AGAP1: variants seen among roughly 807,000 people sequenced by gnomAD.
AGAP1 encodes the protein arf-GAP with GTPase, ANK repeat and PH domain-containing protein 1.
In AGAP1, 29 loss-of-function variants were observed where a neutral mutation model predicts 105.3. That is an observed-to-expected ratio of 0.28 (90% CI 0.21 to 0.38). AGAP1 has a LOEUF of 0.38. AGAP1 is among the 10% of genes least tolerant of loss of function. AGAP1 has a pLI of 1.00. For synonymous variants in AGAP1, 509 were observed against 485.9 expected (o/e 1.05, Z -0.63); for missense variants, 998 against 1,165.1 (o/e 0.86, Z 2.09).
In AGAP1 at chr2:236,121,547, C is replaced by T. The variant is rs1041999283; in HGVS notation, c.2370+1100C>T. ...AGCTCCTGACCTCGTGATCCACCCG[C>T]CTCGGCCTCCCAAAGTGCTGGGAGT... On this transcript the variant is annotated intron_variant, in intron 17 of 17. Coordinates refer to ENST00000304032, the MANE Select transcript of AGAP1 (RefSeq NM_001037131.3). This position sits in a 1 kb window ranked among gnomAD's most constrained non-coding sequence, Gnocchi z 4.9. 6.6e-6 allele frequency among the ~76,000 whole-genome samples: 1 copy of T among 152,142 alleles called. No homozygotes were observed. Among genetic ancestry groups the T allele is most frequent in the Non-Finnish European group, 1.5e-5 (1 of 68,024 alleles).
intron 9 of AGAP1, among the ~76,000 whole-genome samples, chr2:235,833,771 C>G (rs940759708): frequency 6.6e-6 from 1 of 151,570 alleles, no homozygotes; most frequent in African/African-American, 2.4e-5. Context: ...TACATGTGTG[C>G]ATGTTTATGA....
intron 2 of AGAP1, among the ~76,000 whole-genome samples, chr2:235,709,952 A>AT (rs1202088154): frequency 1.3e-5 from 2 of 152,126 alleles, no homozygotes; most frequent in Non-Finnish European, 2.9e-5. Flanking sequence ...GTATGTATAT[A>AT]TGTGTATATA....
In AGAP1 at chr2:235,979,102, A is replaced by G. The variant is rs1293997167; in HGVS notation, c.1645+10479A>G. ...GATATGCTTTTTCTTTTTTTGGATG[A>G]CAGAAGTGTATTTGTGGGGTTTTTT... On this transcript the variant is annotated intron_variant, in intron 13 of 17. Coordinates refer to ENST00000304032, the MANE Select transcript of AGAP1 (RefSeq NM_001037131.3). This position sits in a 1 kb window ranked among gnomAD's most constrained non-coding sequence, Gnocchi z 4.5. Among the ~76,000 whole-genome samples, 2 of 150,452 alleles carry G rather than the reference A, an allele frequency of 1.3e-5. No homozygotes were observed. Among genetic ancestry groups the G allele is most frequent in the Non-Finnish European group, 3.0e-5 (2 of 67,772 alleles).
intron 11 of AGAP1, among the ~76,000 whole-genome samples, chr2:235,926,053 C>T (rs955858352): frequency 1.3e-5 from 2 of 152,154 alleles, no homozygotes; most frequent in Non-Finnish European, 2.9e-5. Context: ...GTGTTCAAAA[C>T]TCCTGTGTGG....
At chr2:235,968,671 T>G (rs764957251) in intron 13 of AGAP1, 48 bp downstream of exon 13, 3 of 1,563,834 alleles carry the variant, frequency 1.9e-6, no homozygotes, top group Non-Finnish European at 2.6e-6. Context: ...TGCGGAAAAT[T>G]CTCTGTTATT....
chr2:235,936,657 G>C lies in AGAP1; in HGVS notation c.1483+5734G>C, dbSNP rs994051195. Among the ~76,000 whole-genome samples the C allele has an allele frequency of 6.6e-6, 1 of 152,068 alleles. No homozygotes were observed. The highest frequency in any genetic ancestry group is 1.9e-4 in the East Asian group (1 of 5,168). Reference sequence around the variant, plus strand: ...TGGATATTATACTGACAATTTTAGTGTATGACCAGCAGGCGGCGGTAATGT... The same window carrying C: ...TGGATATTATACTGACAATTTTAGTCTATGACCAGCAGGCGGCGGTAATGT... On this transcript the variant is annotated intron_variant, in intron 12 of 17. Transcript: ENST00000304032. This position sits in a 1 kb window ranked among gnomAD's most constrained non-coding sequence, Gnocchi z 4.7.
At chr2:236,108,092 G>T (rs1258924135) in intron 16 of AGAP1, among the ~76,000 whole-genome samples, 1 of 152,236 alleles carries the variant, frequency 6.6e-6, no homozygotes, top group Non-Finnish European at 1.5e-5. Flanking sequence ...AGTAATTAAG[G>T]AATAAATATC....
At chr2:235,607,364 T>G (rs115271938) in intron 1 of AGAP1, among the ~76,000 whole-genome samples, 14 of 152,226 alleles carry the variant, frequency 9.2e-5, no homozygotes, top group African/African-American at 3.4e-4. Context: ...CTTATATTCA[T>G]GCAATCTCAC....
rs1171754206 is a variant in AGAP1 at position 235,616,661 on chromosome 2, CCTGCCCCACCTGTGGTTTCATT to C, written c.164-92511_164-92490del. On this transcript the variant is annotated intron_variant, in intron 1 of 17. Coordinates refer to ENST00000304032, the MANE Select transcript of AGAP1 (RefSeq NM_001037131.3). ...AGAAAACTTCATAGGTTTCTGGCTTCCTGCCCCACCTGTGGTTTCATTCTGCCCAGTTGTGTTCAACTTGAAA... is the reference window on the plus strand; with the variant it reads ...AGAAAACTTCATAGGTTTCTGGCTTCCTGCCCAGTTGTGTTCAACTTGAAA... Among the ~76,000 whole-genome samples the C allele has an allele frequency of 2.7e-4, 41 of 152,304 alleles. No individual in the cohort carries two copies. The East Asian group carries it at 7.9e-3, about 29-fold the overall frequency.
chr2:236,072,033 T>A (rs565681521), intron 16 of AGAP1, among the ~76,000 whole-genome samples: 36 of 152,192 alleles, frequency 2.4e-4, no homozygotes, highest in African/African-American at 3.4e-4. Context: ...AAACTTTTTT[T>A]AAAAAAACTC....
intron 1 of AGAP1, chr2:235,670,551 G>A (rs1418313092): frequency 4.1e-6 from 2 of 484,498 alleles, no homozygotes; most frequent in African/African-American, 2.1e-5. Flanking sequence ...CCCCTGCGGC[G>A]GAGCCTGAGC....
chr2:235,974,930 G>A (rs1431032861), intron 13 of AGAP1, among the ~76,000 whole-genome samples: 1 of 152,190 alleles, frequency 6.6e-6, no homozygotes, highest in Non-Finnish European at 1.5e-5. Flanking sequence ...ATGGAGATAA[G>A]ACATGCAAGA....
At chr2:235,629,138 C>T (rs1264733237) in intron 1 of AGAP1, among the ~76,000 whole-genome samples, 2 of 152,080 alleles carry the variant, frequency 1.3e-5, no homozygotes, top group African/African-American at 4.8e-5. Context: ...TACCTTAGCT[C>T]CCACCTATCC....
In AGAP1 at chr2:236,089,197, A is replaced by G. The variant is rs534037015; in HGVS notation, c.2115-30995A>G. Among the ~76,000 whole-genome samples, 1 of 152,330 alleles carries G rather than the reference A, an allele frequency of 6.6e-6. No individual in the cohort carries two copies. The highest frequency in any genetic ancestry group is 1.9e-4 in the East Asian group (1 of 5,180). ...TTCTGCATGGATGAGGTCTTTTCAA[A>G]GCACATACAGTTGTGTGATTTTTAT... On this transcript the variant is annotated intron_variant, in intron 16 of 17. Transcript: ENST00000304032. This position sits in a 1 kb window ranked among gnomAD's most constrained non-coding sequence, Gnocchi z 5.6.
At chr2:235,814,183 A>G (rs973030719) in intron 9 of AGAP1, among the ~76,000 whole-genome samples, 3 of 152,274 alleles carry the variant, frequency 2.0e-5, no homozygotes, top group Non-Finnish European at 2.9e-5. Flanking sequence ...GTCCTCGCCT[A>G]TGTCTGTGGG....
intron 9 of AGAP1, among the ~76,000 whole-genome samples, chr2:235,858,190 C>T (rs1345088800): frequency 6.6e-6 from 1 of 152,132 alleles, no homozygotes; most frequent in African/African-American, 2.4e-5. Flanking sequence ...CGTATAAAAT[C>T]GTAATTCAGT....
intron 1 of AGAP1, among the ~76,000 whole-genome samples, chr2:235,708,957 A>G (rs796906602): frequency 2.0e-5 from 3 of 152,190 alleles, no homozygotes; most frequent in Non-Finnish European, 4.4e-5. Flanking sequence ...TGGATAGAGC[A>G]TGTGTTACCG....
rs1041638594 is a variant in AGAP1 at position 236,045,398 on chromosome 2, G to A, written c.1892-3661G>A. ...GCCAACACCTAACACTGTACTTCCC[G>A]TGGGGCAGTCACTGCTCTAAGTGCC... On this transcript the variant is annotated intron_variant, in intron 15 of 17. Coordinates refer to ENST00000304032, the MANE Select transcript of AGAP1 (RefSeq NM_001037131.3). The surrounding 1 kb of genome is among the most constrained non-coding windows in gnomAD (Gnocchi z 6.9). Among the ~76,000 whole-genome samples, 4 of 152,214 alleles carry A rather than the reference G, an allele frequency of 2.6e-5. No individual in the cohort carries two copies. The highest frequency in any genetic ancestry group is 9.6e-5 in the African/African-American group (4 of 41,452).
intron 9 of AGAP1, among the ~76,000 whole-genome samples, chr2:235,876,585 G>C (rs1034707557): frequency 1.3e-5 from 2 of 152,148 alleles, no homozygotes; most frequent in Admixed American, 6.5e-5. Flanking sequence ...TGATACCAAA[G>C]TCTTCTTTTC....
Sources: allele counts gnomAD v4.1 joint callset (sites outside exome capture counted in the v4.1 genomes callset), GRCh38; gene constraint gnomAD v4.1.1; non-coding constraint Gnocchi (gnomAD v3.1); transcripts MANE v1.5; gene names NCBI Gene and HGNC (gene_info 2026-07-23, HGNC 2026-07-21).